Variants in TMEM131L observed in about 807,000 individuals in gnomAD.
The protein encoded by TMEM131L is transmembrane protein 131-like.
Under a neutral mutation model 192.2 loss-of-function variants are expected in TMEM131L, and 54 were observed. The ratio of observed to expected loss-of-function variants is 0.28; its 90% CI spans 0.23 to 0.35. TMEM131L has a LOEUF of 0.35. Among genes scored for constraint, TMEM131L ranks in the 10% least tolerant of loss-of-function variants. The pLI, the probability that TMEM131L is intolerant of heterozygous loss-of-function variation, is 1.00. For missense variants in TMEM131L, 1,888 were observed against 1,972.9 expected, an observed-to-expected ratio of 0.96 and a Z score of 0.82; for synonymous variants, 701 against 704.9, an observed-to-expected ratio of 0.99 and a Z score of 0.09.
chr4:153,519,625 A>C (rs952880829), intron 3 of TMEM131L, among the ~76,000 whole-genome samples: 2 of 152,256 alleles, frequency 1.3e-5, no homozygotes, highest in South Asian at 4.1e-4. Flanking sequence ...AGGAAACAAC[A>C]GGCAAATCTA....
intron 21 of TMEM131L, among the ~76,000 whole-genome samples, chr4:153,600,049 A>G (rs1731725773): frequency 6.6e-6 from 1 of 152,182 alleles, no homozygotes; most frequent in African/African-American, 2.4e-5. Flanking sequence ...CAAAAAAGGA[A>G]AAAGAAAAAA....
chr4:153,505,845 G>C (rs751178596), intron 3 of TMEM131L, among the ~76,000 whole-genome samples: 3 of 152,154 alleles, frequency 2.0e-5, no homozygotes, highest in Non-Finnish European at 4.4e-5. Flanking sequence ...GAGAGGAACT[G>C]GAGACATCAA....
chr4:153,624,761 A>G (rs949375965), intron 29 of TMEM131L, among the ~76,000 whole-genome samples: 6 of 152,088 alleles, frequency 3.9e-5, no homozygotes, highest in African/African-American at 7.2e-5. Flanking sequence ...CTCATCTCCT[A>G]TTCTCCTCAT....
intron 32 of TMEM131L, 74 bp downstream of exon 32, chr4:153,632,912 T>C (rs1363763539): frequency 1.3e-6 from 2 of 1,552,396 alleles, no homozygotes; most frequent in Non-Finnish European, 1.8e-6. Flanking sequence ...TTCAGTTTCT[T>C]AGGGTTTCCT....
intron 7 of TMEM131L, among the ~76,000 whole-genome samples, chr4:153,572,503 G>A (rs1198424954): frequency 1.3e-5 from 2 of 151,952 alleles, no homozygotes; most frequent in African/African-American, 4.8e-5. Context: ...GCTAATTTTT[G>A]TAATTTTAGT....
chr4:153,532,476 A>G (rs750086448), intron 3 of TMEM131L, among the ~76,000 whole-genome samples: 4 of 152,038 alleles, frequency 2.6e-5, no homozygotes, highest in African/African-American at 4.8e-5. Context: ...TTGAGATACA[A>G]TTCACATGGC....
chr4:153,533,763 TTAG>T (rs1166361099), intron 3 of TMEM131L, among the ~76,000 whole-genome samples: 2 of 152,202 alleles, frequency 1.3e-5, no homozygotes, highest in South Asian at 2.1e-4. Flanking sequence ...CTTATTTTCC[TTAG>T]TAGGATCCTA....
At chr4:153,630,992 C>A (rs535348096) in intron 31 of TMEM131L, among the ~76,000 whole-genome samples, 2 of 152,224 alleles carry the variant, frequency 1.3e-5, no homozygotes, top group Non-Finnish European at 2.9e-5. Flanking sequence ...TCCCAAGTGG[C>A]AGACCAAGCA....
Position 153,603,370 on chromosome 4 carries a change from A to G in TMEM131L, c.2707A>G (p.Lys903Glu). 6.2e-7 allele frequency: 1 copy of G among 1,614,060 alleles called. No individual in the cohort carries two copies. Among genetic ancestry groups the G allele is most frequent in the Non-Finnish European group, 8.5e-7 (1 of 1,179,944 alleles). ...ACAGTACATTCTCATGGAATTCATG[A>G]AAACAAGACAGAGGCAAAATGCTAG... ...QAQYILMEFM[K>E]TRQRQNASSS... Residue 903 changes from lysine to glutamate, a missense_variant, in exon 24 of 35, where the codon AAA becomes GAA. Lys to Glu is a moderately conservative substitution (Grantham distance 56). Coordinates refer to ENST00000409959, the MANE Select transcript of TMEM131L (RefSeq NM_001131007.2).
intron 26 of TMEM131L, among the ~76,000 whole-genome samples, chr4:153,617,564 C>T (rs1280688104): frequency 6.6e-6 from 1 of 152,120 alleles, no homozygotes; most frequent in East Asian, 1.9e-4. Context: ...GAGCATTTTC[C>T]TTCATTTTTT....
In TMEM131L at chr4:153,634,307, G is replaced by A. The variant is rs372749695; in HGVS notation, c.4417+27G>A. 34 of 1,537,610 alleles carry A rather than the reference G, an allele frequency of 2.2e-5. No individual in the cohort carries two copies. The African/African-American group carries it at 3.1e-4, about 14-fold the overall frequency. ...TAAGGGCTCTTCAGACAATCCCAAC[G>A]CCATTATTTTATTCTTAGAAGGTCA... On this transcript the variant is annotated intron_variant, in intron 33 of 34. Coordinates refer to ENST00000409959, the MANE Select transcript of TMEM131L (RefSeq NM_001131007.2).
chr4:153,620,376 A>T (rs1733305507), intron 26 of TMEM131L, among the ~76,000 whole-genome samples: 1 of 152,170 alleles, frequency 6.6e-6, no homozygotes. Flanking sequence ...CTTGATCCTA[A>T]GTTGAGTTTT....
intron 7 of TMEM131L, among the ~76,000 whole-genome samples, chr4:153,579,548 T>TA (rs1223610550): frequency 6.6e-6 from 1 of 152,216 alleles, no homozygotes; most frequent in African/African-American, 2.4e-5. Context: ...CACGGTTCAC[T>TA]ACAGCCTTGA....
At chr4:153,523,785 A>G (rs1735279759) in intron 3 of TMEM131L, among the ~76,000 whole-genome samples, 1 of 152,204 alleles carries the variant, frequency 6.6e-6, no homozygotes, top group African/African-American at 2.4e-5. Flanking sequence ...AATCAAGGCC[A>G]CACCCAGAAA....
At chr4:153,612,025 C>A (rs1031348227) in intron 25 of TMEM131L, among the ~76,000 whole-genome samples, 1 of 152,002 alleles carries the variant, frequency 6.6e-6, no homozygotes, top group Non-Finnish European at 1.5e-5. Flanking sequence ...TGTCCCCCCC[C>A]ACCTTTTTCC....
chr4:153,502,493 C>T (rs967252041), intron 3 of TMEM131L, among the ~76,000 whole-genome samples: 15 of 152,090 alleles, frequency 9.9e-5, no homozygotes, highest in Admixed American at 2.0e-4. Flanking sequence ...GGAGTTAACA[C>T]GAAGGATCAT....
intron 7 of TMEM131L, among the ~76,000 whole-genome samples, chr4:153,566,042 T>G (rs1001261621): frequency 6.6e-6 from 1 of 152,208 alleles, no homozygotes; most frequent in Non-Finnish European, 1.5e-5. Context: ...CCATATACTT[T>G]GTCTGAAAGA....
intron 25 of TMEM131L, among the ~76,000 whole-genome samples, 176 bp downstream of exon 25, chr4:153,604,606 ATGT>A (rs1732085822): frequency 1.3e-5 from 2 of 152,350 alleles, no homozygotes; most frequent in African/African-American, 2.4e-5. Flanking sequence ...AGCTTTTAAA[ATGT>A]TGTGACTAAG....
At position 153,584,828 on chromosome 4, in the gene TMEM131L, C is replaced by A; in HGVS notation, c.1061-7C>A. On this transcript the variant is annotated splice_region_variant and splice_polypyrimidine_tract_variant and intron_variant, in intron 11 of 34. Coordinates refer to ENST00000409959, the MANE Select transcript of TMEM131L (RefSeq NM_001131007.2). The stretch of plus-strand genomic sequence containing the variant: ...AAGCTTCACATTTATTTCTTTATAC[C>A]ACAAAGCAGCTACATCATGTGACAG... 6.2e-7 allele frequency: 1 copy of A among 1,607,662 alleles called. No homozygotes were observed. The highest frequency in any genetic ancestry group is 8.5e-7 in the Non-Finnish European group (1 of 1,174,508).
Sources: allele counts gnomAD v4.1 joint callset (sites outside exome capture counted in the v4.1 genomes callset), GRCh38; gene constraint gnomAD v4.1.1; transcripts MANE v1.5; gene names NCBI Gene and HGNC (gene_info 2026-07-23, HGNC 2026-07-21).